SEC23IP: variants seen among roughly 807,000 people sequenced by gnomAD.
SEC23IP encodes SEC23-interacting protein.
SEC23IP carries 70 observed loss-of-function variants against 113.4 expected under a neutral mutation model. That is an observed-to-expected ratio of 0.62 (90% CI 0.51 to 0.75). The LOEUF is 0.75. Ranked by LOEUF, SEC23IP falls within the 30% of genes least tolerant of loss-of-function variation. The pLI is 0.00. For synonymous variants in SEC23IP, 398 were observed against 421.0 expected, an observed-to-expected ratio of 0.95 and a Z score of 0.67; for missense variants, 1,160 against 1,204.9, an observed-to-expected ratio of 0.96 and a Z score of 0.55.
chr10:119,904,070 A>AT lies in SEC23IP; in HGVS notation c.908-10dup, dbSNP rs1251831680. The AT allele has an allele frequency of 1.2e-6, 2 of 1,612,302 alleles. No individual in the cohort carries two copies. The highest frequency in any genetic ancestry group is 1.7e-6 in the Non-Finnish European group (2 of 1,178,650). ...CTTGCAGCAGTTAGGAAAAGTGTTA[A>AT]TTTTGTTCTCTAGTTCAGCCAGATC... On this transcript the variant is annotated splice_polypyrimidine_tract_variant and intron_variant, in intron 3 of 18. Transcript: ENST00000369075.
intron 2 of SEC23IP, among the ~76,000 whole-genome samples, chr10:119,900,794 G>A (rs1460131202): frequency 6.6e-6 from 1 of 152,010 alleles, no homozygotes; most frequent in Non-Finnish European, 1.5e-5. Context: ...TTTAAAATAA[G>A]TCTAGTCTGA....
intron 6 of SEC23IP, among the ~76,000 whole-genome samples, chr10:119,913,973 G>A (rs1854961833): frequency 6.6e-6 from 1 of 151,876 alleles, no homozygotes; most frequent in Admixed American, 6.6e-5. Flanking sequence ...CCAACTTGGT[G>A]AAACCCTGTC....
intron 6 of SEC23IP, among the ~76,000 whole-genome samples, chr10:119,912,464 A>G (rs1448512558): frequency 6.6e-6 from 1 of 151,724 alleles, no homozygotes; most frequent in Non-Finnish European, 1.5e-5. Flanking sequence ...TTACTTTTGT[A>G]TCTTTATTTT....
At chr10:119,925,905 A>T in intron 12 of SEC23IP, 131 bp from the exon 13 acceptor site, 1 of 756,098 alleles carries the variant, frequency 1.3e-6, no homozygotes, top group Non-Finnish European at 2.1e-6. Context: ...TTTTTAAAGT[A>T]ATCACAATGT....
rs762926708 is a variant in SEC23IP at position 119,902,897 on chromosome 10, A to C, written c.795A>C (p.Gln265His). The C allele has an allele frequency of 1.2e-6, 2 of 1,614,190 alleles. No individual in the cohort carries two copies. Among genetic ancestry groups the C allele is most frequent in the Non-Finnish European group, 1.7e-6 (2 of 1,180,020 alleles). The change falls in exon 3 of 19, where the codon CAA becomes CAC. Residue 265 changes from glutamine to histidine, a missense_variant. Gln to His is a conservative substitution (Grantham distance 24). Transcript: ENST00000369075. ...QVPSPFLLQN[Q>H]YEPVQPHWFY... ...CATCTCCTTTTCTACTTCAAAACCA[A>C]TATGAGCCTGTTCAGCCCCACTGGT...
chr10:119,920,788 A>G, intron 11 of SEC23IP, 101 bp from the exon 12 acceptor site: 1 of 728,746 alleles, frequency 1.4e-6, no homozygotes, highest in Non-Finnish European at 2.2e-6. Context: ...AGTGGCTCTT[A>G]GATTGCTTTA....
In SEC23IP at chr10:119,919,583, A is replaced by T. The variant is rs1376046358; in HGVS notation, c.2012A>T (p.Asp671Val). ...YFSTFEKEKIDMESLLMCTVD... is the reference protein window; with the variant it reads ...YFSTFEKEKIVMESLLMCTVD... ...AGCACTTTTGAAAAGGAAAAGATTG[A>T]TATGGAGTCCCTGGTACTGATCATA... is the stretch of plus-strand genomic sequence containing the variant. Residue 671 changes from aspartate (D) to valine (V), a missense_variant, in exon 11 of 19, where the codon GAT becomes GTT. Coordinates refer to ENST00000369075, the MANE Select transcript of SEC23IP (RefSeq NM_007190.4). 1.2e-6 allele frequency: 2 copies of T among 1,612,546 alleles called. No individual in the cohort carries two copies. The highest frequency in any genetic ancestry group is 2.2e-5 in the East Asian group (1 of 44,854).
rs776351501 is a variant in SEC23IP at position 119,917,840 on chromosome 10, A to G, written c.1549A>G (p.Ile517Val). ...GGDATGVDRN[I>V]KKITLPSIGR... ...TGTATTTTTCTTTTTAAACAGGAAT[A>G]TTAAGAAAATCACTTTGCCAAGTAT... Residue 517 changes from isoleucine (I) to valine (V), a missense_variant, in exon 9 of 19, where the codon ATT becomes GTT. Transcript: ENST00000369075. 6.2e-7 allele frequency: 1 copy of G among 1,612,562 alleles called. No homozygotes were observed. Among genetic ancestry groups the G allele is most frequent in the Non-Finnish European group, 8.5e-7 (1 of 1,178,882 alleles).
intron 18 of SEC23IP, among the ~76,000 whole-genome samples, chr10:119,935,137 T>TCA (rs1855731165): frequency 6.6e-6 from 1 of 152,148 alleles, no homozygotes; most frequent in South Asian, 2.1e-4. Context: ...TGTTAACACA[T>TCA]CACACACACT....
chr10:119,928,859 A>G (rs1184121371), intron 13 of SEC23IP, among the ~76,000 whole-genome samples: 1 of 152,258 alleles, frequency 6.6e-6, no homozygotes, highest in Non-Finnish European at 1.5e-5. Flanking sequence ...AGAGGATGAT[A>G]GTTATAATAG....
rs1413287592 is a variant in SEC23IP at position 119,917,781 on chromosome 10, C to T, written c.1545-55C>T. On this transcript the variant is annotated intron_variant, in intron 8 of 18. Coordinates refer to ENST00000369075, the MANE Select transcript of SEC23IP (RefSeq NM_007190.4). Reference sequence around the variant, plus strand: ...TCAAAAATCTAAACTTTAAAAAAATCTGTAAATTTAAGGTAGATGCTGACT... The same window carrying T: ...TCAAAAATCTAAACTTTAAAAAAATTTGTAAATTTAAGGTAGATGCTGACT... 1.5e-5 allele frequency: 21 copies of T among 1,365,438 alleles called. No individual in the cohort carries two copies. The East Asian group carries it at 4.0e-4, about 26-fold the overall frequency. The allele number at this position is 1,365,438 out of a possible 1,614,324, so 84.6% of individuals were successfully genotyped here.
intron 5 of SEC23IP, 90 bp downstream of exon 5, chr10:119,909,220 C>T (rs1854777359): frequency 1.3e-6 from 1 of 778,040 alleles, no homozygotes; most frequent in Non-Finnish European, 2.1e-6. Context: ...TTAGTAACTT[C>T]TACAGTGGGA....
rs1855950664 is a variant in SEC23IP at position 119,941,096 on chromosome 10, A to G, written c.*531A>G. 1 of 152,204 alleles carries G rather than the reference A, an allele frequency of 6.6e-6. No homozygotes were observed. The highest frequency in any genetic ancestry group is 6.5e-5 in the Admixed American group (1 of 15,280). 9.4% of individuals were successfully genotyped at this position (152,204 alleles called of 1,614,324 possible). On this transcript the variant is annotated 3_prime_UTR_variant, in exon 19 of 19. Transcript: ENST00000369075. Reference sequence around the variant, plus strand: ...TTCTGAGCTGCCTTAATGCAAGGTCATTTATATTTGTTAAGAGGAAATAAT... The same window carrying G: ...TTCTGAGCTGCCTTAATGCAAGGTCGTTTATATTTGTTAAGAGGAAATAAT...
chr10:119,919,667 C>A, intron 11 of SEC23IP, 71 bp downstream of exon 11: 1 of 1,259,414 alleles, frequency 7.9e-7, no homozygotes, highest in Non-Finnish European at 1.1e-6. Context: ...TAAGAATAAA[C>A]ATTTTCGTAT....
At chr10:119,901,336 TA>T (rs1183449714) in intron 2 of SEC23IP, among the ~76,000 whole-genome samples, 4 of 151,986 alleles carry the variant, frequency 2.6e-5, no homozygotes, top group Non-Finnish European at 4.4e-5. Flanking sequence ...TTTATTTACT[TA>T]TTTTTTTTTT....
chr10:119,895,385 A>G (rs1316609354), intron 1 of SEC23IP, among the ~76,000 whole-genome samples: 1 of 152,176 alleles, frequency 6.6e-6, no homozygotes. Context: ...CTCAAAAACA[A>G]AAACCAGACA....
chr10:119,936,514 A>G (rs1041649134), intron 18 of SEC23IP, among the ~76,000 whole-genome samples: 2 of 140,046 alleles, frequency 1.4e-5, no homozygotes, highest in African/African-American at 2.7e-5. Flanking sequence ...ACTGCACTCC[A>G]GCCTGGGCAA....
chr10:119,929,572 A>G, intron 13 of SEC23IP, 35 bp from the exon 14 acceptor site: 1 of 1,582,774 alleles, frequency 6.3e-7, no homozygotes, highest in Non-Finnish European at 8.7e-7. Context: ...TGACATTGGA[A>G]CAATCATCTT....
intron 6 of SEC23IP, 65 bp downstream of exon 6, chr10:119,912,229 G>A (rs1191863794): frequency 1.3e-6 from 2 of 1,524,196 alleles, no homozygotes. Flanking sequence ...TCATTCTTTA[G>A]AATGATGAAG....
Sources: allele counts gnomAD v4.1 joint callset (sites outside exome capture counted in the v4.1 genomes callset), GRCh38; gene constraint gnomAD v4.1.1; transcripts MANE v1.5; gene names NCBI Gene and HGNC (gene_info 2026-07-23, HGNC 2026-07-21).